The following FAM43A variants were observed in gnomAD, a reference collection of about 807,000 sequenced individuals.
FAM43A encodes protein FAM43A.
FAM43A carries 11 observed loss-of-function variants against 15.7 expected under a neutral mutation model. That is an observed-to-expected ratio of 0.70 (90% CI 0.44 to 1.16). The LOEUF (loss-of-function observed/expected upper bound fraction) is 1.16, where lower values mean the gene tolerates loss of function less well. FAM43A is among the 50% of genes most tolerant of loss of function. The pLI is 0.00. For synonymous variants in FAM43A, 319 were observed against 291.7 expected, an observed-to-expected ratio of 1.09 and a Z score of -0.96; for missense variants, 573 against 620.0, an observed-to-expected ratio of 0.92 and a Z score of 0.80.
chr3:194,687,264 C>T lies in FAM43A; in HGVS notation c.438C>T (p.Asp146=), dbSNP rs1288540789. The T allele has an allele frequency of 1.3e-6, 2 of 1,593,394 alleles. No homozygotes were observed. The highest frequency in any genetic ancestry group is 2.3e-5 in the East Asian group (1 of 44,432). The change falls in exon 1 of 1, where the codon GAC becomes GAT. Residue 146 remains aspartate, a synonymous_variant. Coordinates refer to ENST00000329759, the MANE Select transcript of FAM43A (RefSeq NM_153690.5). ...LLHRVTYCVA[D]ARLPKVFAWV... ...ACCGCGTCACCTACTGCGTGGCCGA[C>T]GCGCGGCTGCCCAAGGTCTTCGCCT...
At position 194,686,963 on chromosome 3, in the gene FAM43A, C is replaced by T. The variant is rs536961614; in HGVS notation, c.137C>T (p.Ala46Val). The T allele has an allele frequency of 1.2e-6, 2 of 1,610,762 alleles. No homozygotes were observed. The highest frequency in any genetic ancestry group is 1.7e-6 in the Non-Finnish European group (2 of 1,178,034). The change falls in exon 1 of 1, where the codon GCG becomes GTG. Residue 46 changes from alanine to valine, a missense_variant. By Grantham distance (64) the Ala-to-Val change is moderately conservative. Coordinates refer to ENST00000329759, the MANE Select transcript of FAM43A (RefSeq NM_153690.5). ...SSLARACPEGALSRVGSMFRS... is the reference protein window; with the variant it reads ...SSLARACPEGVLSRVGSMFRS... ...CTGGCGCGGGCGTGCCCCGAAGGCGCGCTTAGCCGGGTGGGCAGCATGTTC... is the reference window on the plus strand; with the variant it reads ...CTGGCGCGGGCGTGCCCCGAAGGCGTGCTTAGCCGGGTGGGCAGCATGTTC...
Position 194,688,091 on chromosome 3 carries a change from C to A in FAM43A, c.1265C>A (p.Ser422Ter). The change falls in exon 1 of 1, where the codon TCG (serine) becomes TAG (stop). Residue 422 changes from serine (S) to a stop codon, truncating the protein, a stop_gained. Coordinates refer to ENST00000329759, the MANE Select transcript of FAM43A (RefSeq NM_153690.5). LOFTEE classifies it high-confidence loss of function. ...ADGASADEPH[S>*]G Reference sequence around the variant, plus strand: ...GGCGCCAGTGCAGACGAGCCCCACTCGGGCTGAGCTCCTCCGCGCGTCGCC... The same window carrying A: ...GGCGCCAGTGCAGACGAGCCCCACTAGGGCTGAGCTCCTCCGCGCGTCGCC... The A allele has an allele frequency of 3.7e-6, 5 of 1,358,894 alleles. No homozygotes were observed. The highest frequency in any genetic ancestry group is 4.8e-6 in the Non-Finnish European group (5 of 1,050,928). 84.2% of individuals were successfully genotyped at this position (1,358,894 alleles called of 1,614,324 possible).
In FAM43A at chr3:194,687,029, C is replaced by G. The variant is rs976254067; in HGVS notation, c.203C>G (p.Pro68Arg). ...RKKLHITSED[P>R]TYTVLYLGNA... is the part of the protein sequence containing the mutation. ...AAGCTGCACATCACTAGCGAGGACCCAACTTACACCGTGCTCTACCTGGGC... is the reference window on the plus strand; with the variant it reads ...AAGCTGCACATCACTAGCGAGGACCGAACTTACACCGTGCTCTACCTGGGC... The change falls in exon 1 of 1, where the codon CCA (proline) becomes CGA (arginine). Residue 68 changes from proline (P) to arginine (R), a missense_variant. Physicochemically the swap from Pro to Arg is moderately radical, Grantham distance 103 (BLOSUM62 -2). Transcript: ENST00000329759. The G allele has an allele frequency of 1.2e-6, 2 of 1,611,224 alleles. No homozygotes were observed. Among genetic ancestry groups the G allele is most frequent in the Non-Finnish European group, 1.7e-6 (2 of 1,177,924 alleles).
rs754077007 is a variant in FAM43A at position 194,687,488 on chromosome 3, T to C, written c.662T>C (p.Ile221Thr). ...QQQELVGAHT[I>T]PLVPLRKLLL... ...CAGGAGCTGGTGGGCGCACACACCA[T>C]CCCGCTAGTGCCGCTGCGCAAGCTG... Residue 221 changes from isoleucine to threonine, a missense_variant, in exon 1 of 1, where the codon ATC (isoleucine) becomes ACC (threonine). Ile to Thr is a moderately conservative substitution (Grantham distance 89). Coordinates refer to ENST00000329759, the MANE Select transcript of FAM43A (RefSeq NM_153690.5). 1 of 1,539,210 alleles carries C rather than the reference T, an allele frequency of 6.5e-7. No individual in the cohort carries two copies. Among genetic ancestry groups the C allele is most frequent in the South Asian group, 1.2e-5 (1 of 83,682 alleles).
In FAM43A at chr3:194,687,069, C is replaced by T. The variant is rs1335040703; in HGVS notation, c.243C>T (p.Ile81=). ...TCTACCTGGGCAATGCCACCACCAT[C>T]CAGGCGCGCGGCGACGGCTGCACCG... ...TVLYLGNATT[I]QARGDGCTDL... The change falls in exon 1 of 1, where the codon ATC becomes ATT. Residue 81 remains isoleucine (I), a synonymous_variant. Coordinates refer to ENST00000329759, the MANE Select transcript of FAM43A (RefSeq NM_153690.5). 6.2e-7 allele frequency: 1 copy of T among 1,613,656 alleles called. No individual in the cohort carries two copies. Among genetic ancestry groups the T allele is most frequent in the South Asian group, 1.1e-5 (1 of 91,068 alleles).
At position 194,686,196 on chromosome 3, in the gene FAM43A, C is replaced by A. The variant is rs993284465; in HGVS notation, c.-631C>A. Among the ~76,000 whole-genome samples the A allele has an allele frequency of 6.6e-6, 1 of 152,200 alleles. No individual in the cohort carries two copies. Among genetic ancestry groups the A allele is most frequent in the Non-Finnish European group, 1.5e-5 (1 of 68,030 alleles). On this transcript the variant is annotated 5_prime_UTR_variant, in exon 1 of 1. Transcript: ENST00000329759. ...GCCGCGGCCAGCCGGACCCAGCATC[C>A]GACCGCACTTTGGGCGAGCTGCTGA...
Position 194,686,084 on chromosome 3 carries a change from C to T in FAM43A, c.-743C>T, listed in dbSNP as rs1025934045. ...CAGCGCCGTCTCGGCCAGGCCAGCC[C>T]GGACACTGAGCGGGCCGAGCGCGAG... is the stretch of plus-strand genomic sequence containing the variant. On this transcript the variant is annotated 5_prime_UTR_variant, in exon 1 of 1. Coordinates refer to ENST00000329759, the MANE Select transcript of FAM43A (RefSeq NM_153690.5). Among the ~76,000 whole-genome samples, 24 of 152,350 alleles carry T rather than the reference C, an allele frequency of 1.6e-4. No individual in the cohort carries two copies. The East Asian group carries it at 2.1e-3, about 13-fold the overall frequency.
chr3:194,686,065 C>T lies in FAM43A; in HGVS notation c.-762C>T, dbSNP rs1380963740. Among the ~76,000 whole-genome samples, 3 of 152,230 alleles carry T rather than the reference C, an allele frequency of 2.0e-5. No individual in the cohort carries two copies. The highest frequency in any genetic ancestry group is 7.2e-5 in the African/African-American group (3 of 41,464). ...GTCCCCTGTTCTCGGAGCCCAGCGC[C>T]GTCTCGGCCAGGCCAGCCCGGACAC... On this transcript the variant is annotated 5_prime_UTR_variant, in exon 1 of 1. Coordinates refer to ENST00000329759, the MANE Select transcript of FAM43A (RefSeq NM_153690.5).
rs1352014763 is a variant in FAM43A, at chr3:194,687,342, C to T, written c.516C>T (p.Ala172=). The stretch of plus-strand genomic sequence containing the variant: ...AGGCCGTGATGCTGCGCTGCCACGC[C>T]GTGCTGGTGTCCAAGCCCGAAAAGG... The part of the protein sequence containing the change: ...KHKAVMLRCH[A]VLVSKPEKAQ... The change falls in exon 1 of 1, where the codon GCC becomes GCT. Residue 172 remains alanine, a synonymous_variant. Coordinates refer to ENST00000329759, the MANE Select transcript of FAM43A (RefSeq NM_153690.5). The T allele has an allele frequency of 6.5e-7, 1 of 1,542,900 alleles. No homozygotes were observed. Among genetic ancestry groups the T allele is most frequent in the South Asian group, 1.2e-5 (1 of 85,032 alleles).
Position 194,687,044 on chromosome 3 carries a change from T to G in FAM43A, c.218T>G (p.Leu73Arg). ...ITSEDPTYTV[L>R]YLGNATTIQA... ...AGCGAGGACCCAACTTACACCGTGC[T>G]CTACCTGGGCAATGCCACCACCATC... The change falls in exon 1 of 1, where the codon CTC becomes CGC. Residue 73 changes from leucine to arginine, a missense_variant. Leu to Arg is a moderately radical substitution (Grantham distance 102). Transcript: ENST00000329759. 6.2e-7 allele frequency: 1 copy of G among 1,613,074 alleles called. No individual in the cohort carries two copies. Among genetic ancestry groups the G allele is most frequent in the Non-Finnish European group, 8.5e-7 (1 of 1,179,380 alleles).
Position 194,687,844 on chromosome 3 carries a change from C to A in FAM43A, c.1018C>A (p.Pro340Thr). 1 of 1,452,160 alleles carries A rather than the reference C, an allele frequency of 6.9e-7. No homozygotes were observed. Among genetic ancestry groups the A allele is most frequent in the Non-Finnish European group, 9.1e-7 (1 of 1,100,660 alleles). 90.0% of individuals were successfully genotyped at this position (1,452,160 alleles called of 1,614,324 possible). A position where few individuals can be genotyped will look rare whatever the true frequency, so the allele number is the denominator to read the frequency against. Residue 340 changes from proline (P) to threonine (T), a missense_variant, in exon 1 of 1, where the codon CCT (proline) becomes ACT (threonine). Pro to Thr is a conservative substitution (Grantham distance 38, BLOSUM62 -1). Coordinates refer to ENST00000329759, the MANE Select transcript of FAM43A (RefSeq NM_153690.5). ...CCTGGGCCCGGGGGCCGGGCCGCCG[C>A]CTCTGCTGCTGGGCAGCGCCTCCGA... ...GSLGPGAGPP[P>T]LLLGSASDMK...
At position 194,688,018 on chromosome 3, in the gene FAM43A, C is replaced by T. The variant is rs747862923; in HGVS notation, c.1192C>T (p.Pro398Ser). 6 of 1,423,678 alleles carry T rather than the reference C, an allele frequency of 4.2e-6. No homozygotes were observed. Among genetic ancestry groups the T allele is most frequent in the South Asian group, 1.7e-5 (1 of 60,580 alleles). 88.2% of individuals were successfully genotyped at this position (1,423,678 alleles called of 1,614,324 possible). A position where few individuals can be genotyped will look rare whatever the true frequency, so the allele number is the denominator to read the frequency against. ...GSESSIEGGG[P>S]DATSATAGDS... ...CGAGAGCTCCATCGAGGGCGGGGGCCCTGACGCCACCTCCGCCACCGCCGG... is the reference window on the plus strand; with the variant it reads ...CGAGAGCTCCATCGAGGGCGGGGGCTCTGACGCCACCTCCGCCACCGCCGG... Residue 398 changes from proline to serine, a missense_variant, in exon 1 of 1, where the codon CCT (proline) becomes TCT (serine). By Grantham distance (74) the Pro-to-Ser change is moderately conservative. Coordinates refer to ENST00000329759, the MANE Select transcript of FAM43A (RefSeq NM_153690.5).
Position 194,686,955 on chromosome 3 carries a change from C to A in FAM43A, c.129C>A (p.Pro43=). The A allele has an allele frequency of 1.2e-6, 2 of 1,610,544 alleles. No homozygotes were observed. The highest frequency in any genetic ancestry group is 1.7e-6 in the Non-Finnish European group (2 of 1,177,966). ...SALSSLARAC[P]EGALSRVGSM... is the part of the protein sequence containing the mutation. ...TCAGCTCGCTGGCGCGGGCGTGCCC[C>A]GAAGGCGCGCTTAGCCGGGTGGGCA... The change falls in exon 1 of 1, where the codon CCC becomes CCA. Residue 43 remains proline, a synonymous_variant. Coordinates refer to ENST00000329759, the MANE Select transcript of FAM43A (RefSeq NM_153690.5).
rs766332460 is a variant in FAM43A at position 194,687,456 on chromosome 3, C to T, written c.630C>T (p.His210=). 1.1e-5 allele frequency: 17 copies of T among 1,535,924 alleles called. No individual in the cohort carries two copies. The highest frequency in any genetic ancestry group is 2.0e-5 in the Admixed American group (1 of 50,470). Residue 210 remains histidine, a synonymous_variant, in exon 1 of 1, where the codon CAC becomes CAT. Transcript: ENST00000329759. Reference sequence around the variant, plus strand: ...TCAAGCGGCGGGACGACGCGCGTCACCAGCAGCAGGAGCTGGTGGGCGCAC... The same window carrying T: ...TCAAGCGGCGGGACGACGCGCGTCATCAGCAGCAGGAGCTGGTGGGCGCAC... ...KRLKRRDDAR[H]QQQELVGAHT...
At position 194,688,299 on chromosome 3, in the gene FAM43A, G is replaced by T. The variant is rs1277320110; in HGVS notation, c.*201G>T. The T allele has an allele frequency of 9.1e-6, 5 of 551,530 alleles. No individual in the cohort carries two copies. Among genetic ancestry groups the T allele is most frequent in the Non-Finnish European group, 1.4e-5 (5 of 354,364 alleles). 34.2% of individuals were successfully genotyped at this position (551,530 alleles called of 1,614,324 possible). A position where few individuals can be genotyped will look rare whatever the true frequency, so the allele number is the denominator to read the frequency against. ...CTCCCGCCCCAGCACTTTTGGCTCT[G>T]TTGCGCGTGGGGATGCGGGGAGATT... is the stretch of plus-strand genomic sequence containing the variant. On this transcript the variant is annotated 3_prime_UTR_variant, in exon 1 of 1. Transcript: ENST00000329759.
chr3:194,687,709 G>C lies in FAM43A; in HGVS notation c.883G>C (p.Glu295Gln). The part of the protein sequence containing the change: ...RAAEGDPAEE[E>Q]AEAQRALVVA... Reference sequence around the variant, plus strand: ...GGCAGAGGGAGATCCAGCAGAGGAGGAGGCCGAGGCGCAGCGTGCGCTAGT... The same window carrying C: ...GGCAGAGGGAGATCCAGCAGAGGAGCAGGCCGAGGCGCAGCGTGCGCTAGT... The change falls in exon 1 of 1, where the codon GAG becomes CAG. Residue 295 changes from glutamate (E) to glutamine (Q), a missense_variant. Coordinates refer to ENST00000329759, the MANE Select transcript of FAM43A (RefSeq NM_153690.5). 1.3e-6 allele frequency: 2 copies of C among 1,562,336 alleles called. No homozygotes were observed. The highest frequency in any genetic ancestry group is 1.7e-6 in the Non-Finnish European group (2 of 1,152,476).
chr3:194,688,271 C>T lies in FAM43A; in HGVS notation c.*173C>T, dbSNP rs1322357755. Reference sequence around the variant, plus strand: ...ACCGCTTTCCCCTACCTCCCGGCCCCCGCTCCCGCCCCAGCACTTTTGGCT... The same window carrying T: ...ACCGCTTTCCCCTACCTCCCGGCCCTCGCTCCCGCCCCAGCACTTTTGGCT... On this transcript the variant is annotated 3_prime_UTR_variant, in exon 1 of 1. Transcript: ENST00000329759. 4 of 722,034 alleles carry T rather than the reference C, an allele frequency of 5.5e-6. No homozygotes were observed. The highest frequency in any genetic ancestry group is 7.8e-6 in the Non-Finnish European group (4 of 509,624). The allele number at this position is 722,034 out of a possible 1,614,324, so 44.7% of individuals were successfully genotyped here. A position where few individuals can be genotyped will look rare whatever the true frequency, so the allele number is the denominator to read the frequency against.
Position 194,686,999 on chromosome 3 carries a change from G to T in FAM43A, c.173G>T (p.Arg58Leu). ...GTGGGCAGCATGTTCCGCTCCAAGC[G>T]CAAGAAGCTGCACATCACTAGCGAG... The part of the protein sequence containing the change: ...SRVGSMFRSK[R>L]KKLHITSEDP... The change falls in exon 1 of 1, where the codon CGC becomes CTC. Residue 58 changes from arginine (R) to leucine (L), a missense_variant. Transcript: ENST00000329759. The T allele has an allele frequency of 6.2e-7, 1 of 1,609,376 alleles. No individual in the cohort carries two copies. The highest frequency in any genetic ancestry group is 8.5e-7 in the Non-Finnish European group (1 of 1,176,672).
Position 194,687,380 on chromosome 3 carries a change from C to T in FAM43A, c.554C>T (p.Ala185Val), listed in dbSNP as rs536841751. The change falls in exon 1 of 1, where the codon GCC becomes GTC. Residue 185 changes from alanine (A) to valine (V), a missense_variant. Coordinates refer to ENST00000329759, the MANE Select transcript of FAM43A (RefSeq NM_153690.5). Reference sequence around the variant, plus strand: ...AAGCCCGAAAAGGCGCAGGCCATGGCCCTGCTGCTCTACCAGACGTCGGCC... The same window carrying T: ...AAGCCCGAAAAGGCGCAGGCCATGGTCCTGCTGCTCTACCAGACGTCGGCC... ...VSKPEKAQAM[A>V]LLLYQTSANA... is the part of the protein sequence containing the mutation. The T allele has an allele frequency of 7.2e-6, 11 of 1,537,730 alleles. No homozygotes were observed. In the East Asian group the frequency reaches 2.0e-4, roughly 27 times the overall value.
Sources: allele counts gnomAD v4.1 joint callset (sites outside exome capture counted in the v4.1 genomes callset), GRCh38; gene constraint gnomAD v4.1.1; transcripts MANE v1.5; gene names NCBI Gene and HGNC (gene_info 2026-07-23, HGNC 2026-07-21).